CLNK: variants seen among roughly 807,000 people sequenced by gnomAD.
The protein encoded by CLNK is cytokine-dependent hematopoietic cell linker.
CLNK carries 74 observed loss-of-function variants against 68.6 expected under a neutral mutation model. The ratio of observed to expected loss-of-function variants is 1.08; its 90% confidence interval spans 0.89 to 1.31. The LOEUF is 1.31. CLNK is among the 50% of genes most tolerant of loss of function. The probability of loss-of-function intolerance (pLI) is 0.00; values close to 1 mark genes in which losing one functional copy is unlikely to be tolerated. For missense variants in CLNK, 553 were observed against 515.3 expected (o/e 1.07, Z -0.71); for synonymous variants, 198 against 172.2 (o/e 1.15, Z -1.17).
chr4:10,706,582 A>G, the CLNK span, among the ~76,000 whole-genome samples: 3 of 152,192 alleles, frequency 2.0e-5, no homozygotes, highest in African/African-American at 7.2e-5. Context: ...GGAAGTATGT[A>G]TCTGTCATCT....
rs190339756 is a variant in CLNK, at chr4:10,639,580, T to G, written c.11+28279A>C. On this transcript the variant is annotated intron_variant, in intron 2 of 18. Transcript: ENST00000226951. ...AAGTCATGGAGAACAAATAAGACCATGAATTAGCAGTTTCTAGATTTTTAC... is the reference window on the plus strand; with the variant it reads ...AAGTCATGGAGAACAAATAAGACCAGGAATTAGCAGTTTCTAGATTTTTAC... Among the ~76,000 whole-genome samples the G allele has an allele frequency of 1.9e-3, 285 of 152,322 alleles. 1 individual carries two copies. The highest frequency in any genetic ancestry group is 6.5e-3 in the African/African-American group (269 of 41,574).
At chr4:10,675,330 G>C (rs1434002018) in intron 1 of CLNK, among the ~76,000 whole-genome samples, 4 of 152,194 alleles carry the variant, frequency 2.6e-5, no homozygotes, top group Non-Finnish European at 5.9e-5. Context: ...TGGGGTCTGA[G>C]TGAATGTTTT....
the CLNK span, among the ~76,000 whole-genome samples, chr4:10,733,647 G>T: frequency 6.6e-6 from 1 of 152,186 alleles, no homozygotes; most frequent in Non-Finnish European, 1.5e-5. Flanking sequence ...TCAAAGTCCT[G>T]CTAATTTATT....
chr4:10,535,214 A>AGAAAGAAAGAAAGAAAGAAAGAAT (rs1466917640), intron 11 of CLNK, among the ~76,000 whole-genome samples: 6 of 570 alleles, frequency 0.011, no homozygotes, highest in African/African-American at 0.016. Context: ...AGAAAGAAAG[A>AGAAAGAAAGAAAGAAAGAAAGAAT]GAAAGAAAGA....
chr4:10,551,032 G>A (rs1719430846), intron 8 of CLNK, among the ~76,000 whole-genome samples: 1 of 152,178 alleles, frequency 6.6e-6, no homozygotes, highest in African/African-American at 2.4e-5. Context: ...TGATTCGAGT[G>A]AGACTGCTCA....
intron 1 of CLNK, among the ~76,000 whole-genome samples, chr4:10,673,652 A>C (rs887160257): frequency 1.3e-5 from 2 of 149,784 alleles, no homozygotes; most frequent in Non-Finnish European, 3.0e-5. Flanking sequence ...GGAACATCAC[A>C]CACTGGGGCC....
At chr4:10,524,938 C>T (rs1029208300) in intron 14 of CLNK, among the ~76,000 whole-genome samples, 6 of 152,156 alleles carry the variant, frequency 3.9e-5, no homozygotes, top group Admixed American at 3.9e-4. Context: ...GTGGCTTGAA[C>T]TGAGGTCAGA....
At position 10,511,557 on chromosome 4, in the gene CLNK, C is replaced by T. The variant is rs79050509; in HGVS notation, c.906+1907G>A. Among the ~76,000 whole-genome samples the T allele has an allele frequency of 6.8e-3, 1,037 of 152,310 alleles. 14 individuals are homozygous for T. The highest frequency in any genetic ancestry group is 0.023 in the African/African-American group (974 of 41,556). Reference sequence around the variant, plus strand: ...TCCTCAGGGCCCAGTTACCACCATCCTACCTTCCGTCTCTATGAATTTGCC... The same window carrying T: ...TCCTCAGGGCCCAGTTACCACCATCTTACCTTCCGTCTCTATGAATTTGCC... On this transcript the variant is annotated intron_variant, in intron 16 of 18. Coordinates refer to ENST00000226951, the MANE Select transcript of CLNK (RefSeq NM_052964.4).
intron 13 of CLNK, 150 bp downstream of exon 13, chr4:10,527,926 C>A: frequency 2.7e-6 from 1 of 374,878 alleles, no homozygotes; most frequent in East Asian, 3.9e-5. Flanking sequence ...TATGTGTGTG[C>A]ATCAGGATCA....
chr4:10,532,872 A>G (rs1391348975), intron 11 of CLNK, among the ~76,000 whole-genome samples: 3 of 152,266 alleles, frequency 2.0e-5, no homozygotes, highest in African/African-American at 7.2e-5. Flanking sequence ...CAGCAAGTCA[A>G]TTAACTTCTC....
chr4:10,664,925 T>G (rs1272428777), intron 2 of CLNK, among the ~76,000 whole-genome samples: 2 of 152,172 alleles, frequency 1.3e-5, no homozygotes, highest in African/African-American at 4.8e-5. Context: ...ACTTTTTACT[T>G]TGGGGCAGGC....
intron 2 of CLNK, among the ~76,000 whole-genome samples, chr4:10,648,606 ATAG>A (rs1042255890): frequency 1.3e-5 from 2 of 152,232 alleles, no homozygotes; most frequent in African/African-American, 4.8e-5. Flanking sequence ...GGTAGAAGTT[ATAG>A]TATTTCTTTT....
At chr4:10,517,702 T>G (rs1480654990) in intron 15 of CLNK, among the ~76,000 whole-genome samples, 10 of 152,228 alleles carry the variant, frequency 6.6e-5, no homozygotes, top group Non-Finnish European at 4.4e-5. Flanking sequence ...GATTATGAAT[T>G]TTTCATGATA....
At chr4:10,601,732 C>G (rs1721597646) in intron 2 of CLNK, among the ~76,000 whole-genome samples, 5 of 152,226 alleles carry the variant, frequency 3.3e-5, no homozygotes. Context: ...CATCATTTTA[C>G]AAGGCCTCAA....
intron 4 of CLNK, among the ~76,000 whole-genome samples, chr4:10,582,347 G>A (rs1720812777): frequency 6.6e-6 from 1 of 152,126 alleles, no homozygotes; most frequent in Non-Finnish European, 1.5e-5. Flanking sequence ...TTACAAGTAG[G>A]AAAAATCAAC....
chr4:10,664,309 G>A (rs939694945), intron 2 of CLNK, among the ~76,000 whole-genome samples: 9 of 151,998 alleles, frequency 5.9e-5, no homozygotes, highest in African/African-American at 2.2e-4. Context: ...TTTGTTTAAA[G>A]CCTCCCTGAT....
chr4:10,715,561 C>T, the CLNK span, among the ~76,000 whole-genome samples: 860 of 152,286 alleles, frequency 5.6e-3, 60 homozygotes, highest in East Asian at 0.15. Context: ...AATTTTATTT[C>T]CAAAAGGAAA....
the CLNK span, among the ~76,000 whole-genome samples, chr4:10,703,755 G>A: frequency 2.6e-5 from 4 of 152,110 alleles, no homozygotes; most frequent in Non-Finnish European, 5.9e-5. Flanking sequence ...AATATGTATA[G>A]CATGTTACTA....
At chr4:10,575,581 G>A (rs567725124) in intron 4 of CLNK, among the ~76,000 whole-genome samples, 122 of 152,372 alleles carry the variant, frequency 8.0e-4, no homozygotes, top group African/African-American at 2.5e-3. Flanking sequence ...CTTGGCTGGC[G>A]TACATATCTC....
Sources: gnomAD v4.1 joint callset for allele counts (sites outside exome capture counted in the v4.1 genomes callset) on GRCh38, gnomAD v4.1.1 for gene constraint, MANE v1.5 for transcripts, NCBI Gene and HGNC (gene_info 2026-07-23, HGNC 2026-07-21) for gene names.